Variants in DYRK3 observed in about 807,000 individuals in gnomAD.
The protein encoded by DYRK3 is dual specificity tyrosine-phosphorylation-regulated kinase 3.
Under a neutral mutation model 40.8 loss-of-function variants are expected in DYRK3, and 30 were observed. That is an observed-to-expected ratio of 0.74 (90% CI 0.55 to 1.00). The LOEUF (loss-of-function observed/expected upper bound fraction) is 1.00, where lower values mean the gene tolerates loss of function less well. Among genes scored for constraint, DYRK3 ranks in the 50% least tolerant of loss-of-function variants. The pLI, the probability that DYRK3 is intolerant of heterozygous loss-of-function variation, is 0.00. For missense variants in DYRK3, 699 were observed against 731.5 expected, an observed-to-expected ratio of 0.96 and a Z score of 0.51; for synonymous variants, 272 against 260.7, an observed-to-expected ratio of 1.04 and a Z score of -0.42.
rs782819674 is a variant in DYRK3 at position 206,648,016 on chromosome 1, A to T, written c.818A>T (p.His273Leu). Residue 273 changes from histidine (H) to leucine (L), a missense_variant, in exon 3 of 3, where the codon CAC becomes CTC. Transcript: ENST00000367109. ...QDKTGSMNVI[H>L]MLESFTFRNH... The stretch of plus-strand genomic sequence containing the variant: ...AAAACTGGTAGTATGAACGTTATCC[A>T]CATGCTGGAAAGTTTCACATTCCGG... 6.2e-7 allele frequency: 1 copy of T among 1,614,206 alleles called. No homozygotes were observed. Among genetic ancestry groups the T allele is most frequent in the African/African-American group, 1.3e-5 (1 of 75,064 alleles).
rs1236518038 is a variant in DYRK3, at chr1:206,653,319, C to A, written c.*4354C>A. Among the ~76,000 whole-genome samples, 3 of 152,110 alleles carry A rather than the reference C, an allele frequency of 2.0e-5. No individual in the cohort carries two copies. The highest frequency in any genetic ancestry group is 7.2e-5 in the African/African-American group (3 of 41,430). On this transcript the variant is annotated 3_prime_UTR_variant, in exon 3 of 3. Coordinates refer to ENST00000367109, the MANE Select transcript of DYRK3 (RefSeq NM_003582.4). ...AGGTGTGAGCGACCGTGCCCAGCCT[C>A]ATTTTTTCTTTCAATATGGAAAATT...
rs1553419395 is a variant in DYRK3 at position 206,641,807 on chromosome 1, C to G, written c.189+4046C>G. ...ATGGATTAAAGACTTAAATGTTAGA[C>G]CTAAAACCATAAAAACCCTAGAAGA... On this transcript the variant is annotated intron_variant, in intron 2 of 2. Coordinates refer to ENST00000367109, the MANE Select transcript of DYRK3 (RefSeq NM_003582.4). Among the ~76,000 whole-genome samples the G allele has an allele frequency of 2.0e-5, 3 of 150,540 alleles. 1 individual carries two copies. Among genetic ancestry groups the G allele is most frequent in the African/African-American group, 7.4e-5 (3 of 40,270 alleles).
intron 2 of DYRK3, among the ~76,000 whole-genome samples, chr1:206,639,527 G>T (rs146150145): frequency 0.015 from 2,198 of 148,964 alleles, 47 homozygotes; most frequent in African/African-American, 0.053. Flanking sequence ...GAGTGCAGTG[G>T]CGCAATCTTG....
At position 206,639,999 on chromosome 1, in the gene DYRK3, A is replaced by G. The variant is rs571088974; in HGVS notation, c.189+2238A>G. On this transcript the variant is annotated intron_variant, in intron 2 of 2. Coordinates refer to ENST00000367109, the MANE Select transcript of DYRK3 (RefSeq NM_003582.4). Reference sequence around the variant, plus strand: ...GCCCAGGCTGGAGTGCAGTGGCACAATCTTGGCTTGCTGCAACCTCCATCT... The same window carrying G: ...GCCCAGGCTGGAGTGCAGTGGCACAGTCTTGGCTTGCTGCAACCTCCATCT... Among the ~76,000 whole-genome samples the G allele has an allele frequency of 6.1e-5, 9 of 147,778 alleles. 1 individual carries two copies. In the South Asian group the frequency reaches 6.4e-4, roughly 11 times the overall value.
In DYRK3 at chr1:206,635,678, C is replaced by T; in HGVS notation, c.-26C>T. ...GACCGGACCCCCAACTGGCGCCTCTCCCCGCGCGGGGTCCCGAGCTAGGAG... is the reference window on the plus strand; with the variant it reads ...GACCGGACCCCCAACTGGCGCCTCTTCCCGCGCGGGGTCCCGAGCTAGGAG... On this transcript the variant is annotated 5_prime_UTR_variant, in exon 1 of 3. Transcript: ENST00000367109. 8.0e-7 allele frequency: 1 copy of T among 1,245,764 alleles called. No homozygotes were observed. Among genetic ancestry groups the T allele is most frequent in the Non-Finnish European group, 1.0e-6 (1 of 989,246 alleles). 77.2% of individuals were successfully genotyped at this position (1,245,764 alleles called of 1,614,324 possible).
chr1:206,645,145 C>A (rs1303911848), intron 2 of DYRK3, among the ~76,000 whole-genome samples: 1 of 151,948 alleles, frequency 6.6e-6, no homozygotes, highest in Non-Finnish European at 1.5e-5. Flanking sequence ...AAATTTTTGT[C>A]ATTTATGTTT....
At chr1:206,637,376 T>A (rs17013239) in intron 1 of DYRK3, among the ~76,000 whole-genome samples, 5,589 of 152,336 alleles carry the variant, frequency 0.037, 252 homozygotes, top group South Asian at 0.25. Flanking sequence ...TATTATGAGA[T>A]CCTTCTGATA....
Position 206,648,968 on chromosome 1 carries a change from G to T in DYRK3, c.*3G>T. ...TATTGCCAAAACTGATTAGCTAGTG[G>T]ACAGAGATATGCCCAGAGATGCATA... On this transcript the variant is annotated 3_prime_UTR_variant, in exon 3 of 3. Transcript: ENST00000367109. The T allele has an allele frequency of 6.2e-7, 1 of 1,604,900 alleles. No individual in the cohort carries two copies. Among genetic ancestry groups the T allele is most frequent in the Non-Finnish European group, 8.5e-7 (1 of 1,174,508 alleles).
At chr1:206,637,539 G>A (rs1671150302) in intron 1 of DYRK3, 111 bp from the exon 2 acceptor site, 2 of 699,206 alleles carry the variant, frequency 2.9e-6, no homozygotes, top group East Asian at 2.7e-5. Context: ...AAAATGTAGT[G>A]TAGACATTTA....
rs1553418574 is a variant in DYRK3 at position 206,637,685 on chromosome 1, T to C, written c.113T>C (p.Ile38Thr). 1.2e-6 allele frequency: 2 copies of C among 1,614,070 alleles called. No individual in the cohort carries two copies. Among genetic ancestry groups the C allele is most frequent in the East Asian group, 2.2e-5 (1 of 44,860 alleles). The change falls in exon 2 of 3, where the codon ATA becomes ACA. Residue 38 changes from isoleucine (I) to threonine (T), a missense_variant. Physicochemically the swap from Ile to Thr is moderately conservative, Grantham distance 89 (BLOSUM62 -1). Transcript: ENST00000367109. ...GGTGTCTATGACACCTTCATGATGA[T>C]AGATGAAACCAAATGTCCCCCCTGT... The part of the protein sequence containing the change: ...GDGVYDTFMM[I>T]DETKCPPCSN...
chr1:206,639,951 T>TTTTTTTC (rs1558555580), intron 2 of DYRK3, among the ~76,000 whole-genome samples: 3 of 148,160 alleles, frequency 2.0e-5, no homozygotes, highest in African/African-American at 7.5e-5. Flanking sequence ...TTTTTTTTTT[T>TTTTTTTC]TGAGACCGAG....
Position 206,649,978 on chromosome 1 carries a change from T to C in DYRK3, c.*1013T>C, listed in dbSNP as rs534432477. 3.3e-4 allele frequency among the ~76,000 whole-genome samples: 51 copies of C among 152,364 alleles called. 1 individual carries two copies. The highest frequency in any genetic ancestry group is 3.1e-3 in the Admixed American group (48 of 15,302). ...TAAGCTTAATGCTATTCCCTAGATC[T>C]GAGTGAACTTCAGTTAGAAGAAGAA... On this transcript the variant is annotated 3_prime_UTR_variant, in exon 3 of 3. Transcript: ENST00000367109.
chr1:206,639,315 T>G (rs1481682753), intron 2 of DYRK3, among the ~76,000 whole-genome samples: 1 of 152,210 alleles, frequency 6.6e-6, no homozygotes, highest in Non-Finnish European at 1.5e-5. Flanking sequence ...TTCTTTAATA[T>G]GTCAAAATGT....
rs1482783669 is a variant in DYRK3 at position 206,648,921 on chromosome 1, G to A, written c.1723G>A (p.Gly575Ser). ...AGCTAACTTAATGTCAGAAACCAATGGTAGTATACCCCTATGCAGTGTATT... is the reference window on the plus strand; with the variant it reads ...AGCTAACTTAATGTCAGAAACCAATAGTAGTATACCCCTATGCAGTGTATT... ...LKANLMSETN[G>S]SIPLCSVLPK... The change falls in exon 3 of 3, where the codon GGT becomes AGT. Residue 575 changes from glycine (G) to serine (S), a missense_variant. By Grantham distance (56) the Gly-to-Ser change is moderately conservative (BLOSUM62 0). Transcript: ENST00000367109. The A allele has an allele frequency of 3.7e-6, 6 of 1,613,974 alleles. No homozygotes were observed. Among genetic ancestry groups the A allele is most frequent in the South Asian group, 1.1e-5 (1 of 91,082 alleles).
intron 1 of DYRK3, among the ~76,000 whole-genome samples, chr1:206,637,426 C>G (rs1671147503): frequency 6.6e-6 from 1 of 152,196 alleles, no homozygotes; most frequent in African/African-American, 2.4e-5. Context: ...GGACTTGTTT[C>G]AACTGTTTTA....
chr1:206,646,483 A>G (rs1442996055), intron 2 of DYRK3, among the ~76,000 whole-genome samples: 1 of 152,148 alleles, frequency 6.6e-6, no homozygotes, highest in African/African-American at 2.4e-5. Context: ...GGCTCTTGCT[A>G]GGGAAGAGTT....
Position 206,648,360 on chromosome 1 carries a change from A to G in DYRK3, c.1162A>G (p.Thr388Ala). Reference protein sequence around the residue: ...PEIILGSRYSTPIDIWSFGCI... With the variant: ...PEIILGSRYSAPIDIWSFGCI... ...AATCATCTTAGGAAGCCGCTACAGC[A>G]CACCAATTGACATATGGAGTTTTGG... Residue 388 changes from threonine (T) to alanine (A), a missense_variant, in exon 3 of 3, where the codon ACA (threonine) becomes GCA (alanine). Physicochemically the swap from Thr to Ala is moderately conservative, Grantham distance 58 (BLOSUM62 0). Transcript: ENST00000367109. 1.2e-6 allele frequency: 2 copies of G among 1,614,180 alleles called. No individual in the cohort carries two copies. Among genetic ancestry groups the G allele is most frequent in the South Asian group, 1.1e-5 (1 of 91,084 alleles).
In DYRK3 at chr1:206,648,053, C is replaced by T; in HGVS notation, c.855C>T (p.Cys285=). ...LESFTFRNHV[C]MAFELLSIDL... The stretch of plus-strand genomic sequence containing the variant: ...GTTTCACATTCCGGAACCATGTTTG[C>T]ATGGCCTTTGAATTGCTGAGCATAG... Residue 285 remains cysteine, a synonymous_variant, in exon 3 of 3, where the codon TGC becomes TGT. Transcript: ENST00000367109. The T allele has an allele frequency of 6.2e-7, 1 of 1,614,134 alleles. No individual in the cohort carries two copies. The highest frequency in any genetic ancestry group is 2.2e-5 in the East Asian group (1 of 44,892).
intron 1 of DYRK3, chr1:206,636,744 G>T (rs1343195700): frequency 2.6e-5 from 13 of 504,244 alleles, no homozygotes; most frequent in Non-Finnish European, 4.2e-5. Context: ...AGTGTATCAT[G>T]TAAAATGATA....
Sources: allele counts gnomAD v4.1 joint callset (sites outside exome capture counted in the v4.1 genomes callset), GRCh38; gene constraint gnomAD v4.1.1; transcripts MANE v1.5; gene names NCBI Gene and HGNC (gene_info 2026-07-23, HGNC 2026-07-21).